PRKCA: variants seen among roughly 807,000 people sequenced by gnomAD.
PRKCA encodes protein kinase C alpha type.
PRKCA carries 27 observed loss-of-function variants against 87.0 expected under a neutral mutation model. That is an observed-to-expected ratio of 0.31 (90% CI 0.23 to 0.43). The LOEUF (loss-of-function observed/expected upper bound fraction) is 0.43. Ranked by LOEUF, PRKCA falls within the 20% of genes least tolerant of loss-of-function variation. The pLI is 1.00. For missense variants in PRKCA, 518 were observed against 852.3 expected, an observed-to-expected ratio of 0.61 and a Z score of 4.88; for synonymous variants, 329 against 311.1, an observed-to-expected ratio of 1.06 and a Z score of -0.61.
At chr17:66,548,785 G>C (rs1052950695) in intron 3 of PRKCA, among the ~76,000 whole-genome samples, 1 of 148,440 alleles carries the variant, frequency 6.7e-6, no homozygotes, top group Non-Finnish European at 1.5e-5. Context: ...CCCTCCTAGC[G>C]CCTACCGAAT....
intron 16 of PRKCA, among the ~76,000 whole-genome samples, chr17:66,791,782 G>A (rs1975544541): frequency 6.6e-6 from 1 of 152,210 alleles, no homozygotes; most frequent in African/African-American, 2.4e-5. Flanking sequence ...AACCAAAGTC[G>A]AAGCTGCACA....
intron 2 of PRKCA, among the ~76,000 whole-genome samples, chr17:66,466,208 C>T (rs1915080741): frequency 6.6e-6 from 1 of 152,166 alleles, no homozygotes; most frequent in Non-Finnish European, 1.5e-5. Flanking sequence ...GACGCCTGTA[C>T]CTTTTTTCTG....
At chr17:66,774,131 T>G in intron 14 of PRKCA, 64 bp downstream of exon 14, 1 of 1,612,484 alleles carries the variant, frequency 6.2e-7, no homozygotes, top group Non-Finnish European at 8.5e-7. Context: ...TCAGCTCTGG[T>G]TGGGCCTCGA....
chr17:66,786,677 A>G (rs952097092), intron 14 of PRKCA, among the ~76,000 whole-genome samples, 190 bp from the exon 15 acceptor site: 2 of 152,222 alleles, frequency 1.3e-5, no homozygotes, highest in Admixed American at 6.5e-5. Flanking sequence ...GGAAAAAATG[A>G]AAAACACACA....
At chr17:66,484,883 AC>A (rs1364048311) in intron 2 of PRKCA, among the ~76,000 whole-genome samples, 7 of 152,114 alleles carry the variant, frequency 4.6e-5, no homozygotes, top group Admixed American at 1.3e-4. Flanking sequence ...ATACTTTCTC[AC>A]TGTTGAAATT....
intron 5 of PRKCA, among the ~76,000 whole-genome samples, chr17:66,648,922 A>C (rs1046817138): frequency 6.6e-6 from 1 of 151,890 alleles, no homozygotes; most frequent in Non-Finnish European, 1.5e-5. Context: ...GTAAAACCCC[A>C]TCTCTACTAA....
At chr17:66,452,370 G>A (rs897201365) in intron 2 of PRKCA, among the ~76,000 whole-genome samples, 3 of 152,192 alleles carry the variant, frequency 2.0e-5, no homozygotes, top group Non-Finnish European at 2.9e-5. Context: ...TGGTCCCTTC[G>A]GGAAAGGATC....
At chr17:66,691,396 T>A (rs1972783087) in intron 8 of PRKCA, among the ~76,000 whole-genome samples, 1 of 152,230 alleles carries the variant, frequency 6.6e-6, no homozygotes, top group Non-Finnish European at 1.5e-5. Flanking sequence ...TTTTCAAAGA[T>A]GCTTTATAAT....
chr17:66,668,872 G>T (rs1972103867), intron 5 of PRKCA, among the ~76,000 whole-genome samples: 1 of 152,152 alleles, frequency 6.6e-6, no homozygotes, highest in African/African-American at 2.4e-5. Flanking sequence ...GGAGGCCAAG[G>T]CAAAAGGATC....
intron 3 of PRKCA, among the ~76,000 whole-genome samples, chr17:66,560,911 C>T (rs1598770040): frequency 6.6e-6 from 1 of 152,178 alleles, no homozygotes; most frequent in Non-Finnish European, 1.5e-5. Context: ...AGCCAGTGGT[C>T]CAAGGAGATT....
At chr17:66,765,902 G>A (rs1002435999) in intron 13 of PRKCA, among the ~76,000 whole-genome samples, 2 of 152,172 alleles carry the variant, frequency 1.3e-5, no homozygotes, top group Non-Finnish European at 2.9e-5. Flanking sequence ...TGAATTTGCA[G>A]CGGTGAGGTT....
chr17:66,483,458 T>TTTATTTTATTTTATTTTATTTTATA (rs1915868179), intron 2 of PRKCA, among the ~76,000 whole-genome samples: 6 of 151,336 alleles, frequency 4.0e-5, no homozygotes, highest in African/African-American at 1.5e-4. Context: ...TTATTTTTAT[T>TTTATTTTATTTTATTTTATTTTATA]TTATTTTATT....
chr17:66,328,860 T>C (rs1277421610), intron 2 of PRKCA, among the ~76,000 whole-genome samples: 1 of 152,162 alleles, frequency 6.6e-6, no homozygotes, highest in African/African-American at 2.4e-5. Flanking sequence ...ATGAGGATTA[T>C]TATGGTGAGA....
At chr17:66,629,557 C>G (rs1391203580) in intron 3 of PRKCA, among the ~76,000 whole-genome samples, 2 of 152,192 alleles carry the variant, frequency 1.3e-5, no homozygotes, top group East Asian at 3.8e-4. Context: ...AGGAGACTTA[C>G]CACTTTGTAC....
chr17:66,752,360 C>T (rs948463895), intron 13 of PRKCA, among the ~76,000 whole-genome samples: 10 of 152,132 alleles, frequency 6.6e-5, no homozygotes, highest in Admixed American at 2.0e-4. Context: ...TTTGGGAGGC[C>T]GGGGTGGGAG....
At chr17:66,541,602 G>T (rs1367540917) in intron 3 of PRKCA, among the ~76,000 whole-genome samples, 4 of 152,218 alleles carry the variant, frequency 2.6e-5, no homozygotes, top group African/African-American at 9.7e-5. Context: ...AATTGCACGT[G>T]CAAAGCAGAG....
chr17:66,314,817 T>C (rs1905223943), intron 2 of PRKCA, among the ~76,000 whole-genome samples: 1 of 152,078 alleles, frequency 6.6e-6, no homozygotes, highest in South Asian at 2.1e-4. Context: ...ACTGGTAGTT[T>C]TGAGTTAATC....
intron 3 of PRKCA, among the ~76,000 whole-genome samples, chr17:66,634,901 A>G (rs1271935996): frequency 1.3e-5 from 2 of 152,194 alleles, no homozygotes; most frequent in Non-Finnish European, 2.9e-5. Flanking sequence ...ATAAATGATG[A>G]AAAATTAAAG....
intron 2 of PRKCA, among the ~76,000 whole-genome samples, chr17:66,445,100 A>G (rs769304244): frequency 1.3e-5 from 2 of 152,108 alleles, no homozygotes; most frequent in Non-Finnish European, 2.9e-5. Context: ...CTTGACATTG[A>G]CCCAGGGTGG....
Sources: allele counts gnomAD v4.1 joint callset (sites outside exome capture counted in the v4.1 genomes callset), GRCh38; gene constraint gnomAD v4.1.1; transcripts MANE v1.5; gene names NCBI Gene and HGNC (gene_info 2026-07-23, HGNC 2026-07-21).